DENND5B: variants seen among roughly 807,000 people sequenced by gnomAD.
DENND5B encodes DENN domain containing 5B.
In DENND5B, 34 loss-of-function variants were observed where a neutral mutation model predicts 140.6. The observed-to-expected ratio is 0.24, with a 90% confidence interval of 0.18 to 0.32. The LOEUF (loss-of-function observed/expected upper bound fraction) is 0.32, where lower values mean the gene tolerates loss of function less well. Among genes scored for constraint, DENND5B ranks in the 10% least tolerant of loss-of-function variants. The pLI is 1.00. For missense variants in DENND5B, 1,142 were observed against 1,560.2 expected (o/e 0.73, Z 4.52); for synonymous variants, 551 against 562.1 (o/e 0.98, Z 0.28).
chr12:31,396,607 T>A (rs1022745967), intron 17 of DENND5B: 2 of 152,386 alleles, frequency 1.3e-5, no homozygotes, highest in Admixed American at 6.6e-5. Flanking sequence ...TAAAACTATT[T>A]AAAATTGGCA....
At chr12:31,387,920 G>A in intron 20 of DENND5B, 134 bp from the exon 21 acceptor site, 5 of 871,230 alleles carry the variant, frequency 5.7e-6, no homozygotes, top group Non-Finnish European at 8.4e-6. Flanking sequence ...GAGGTCAGGA[G>A]AGAGGAAATC....
intron 1 of DENND5B, among the ~76,000 whole-genome samples, chr12:31,507,462 T>C (rs941334633): frequency 2.0e-5 from 3 of 152,196 alleles, no homozygotes; most frequent in Non-Finnish European, 4.4e-5. Flanking sequence ...TTTTAGGTGC[T>C]GTGCAGCTTA....
intron 1 of DENND5B, among the ~76,000 whole-genome samples, chr12:31,572,603 TTC>T (rs1350171844): frequency 1.5e-4 from 23 of 152,014 alleles, no homozygotes; most frequent in African/African-American, 5.1e-4. Context: ...CAGTCTCCTT[TTC>T]TCTGTCCTTG....
At chr12:31,465,188 CCT>C (rs1945203477) in intron 3 of DENND5B, 2 of 152,364 alleles carry the variant, frequency 1.3e-5, no homozygotes, top group Middle Eastern at 3.4e-3. Context: ...TAGGTCTGGA[CCT>C]GTGGCTGGCG....
intron 1 of DENND5B, among the ~76,000 whole-genome samples, chr12:31,509,673 C>T (rs1009524386): frequency 2.6e-5 from 4 of 152,094 alleles, no homozygotes; most frequent in Admixed American, 2.6e-4. Flanking sequence ...TCCTTGCTCT[C>T]ACAGTTTACA....
Position 31,463,098 on chromosome 12 carries a change from A to G in DENND5B, c.905-2717T>C, listed in dbSNP as rs1236941664. Among the ~76,000 whole-genome samples the G allele has an allele frequency of 2.6e-5, 4 of 152,194 alleles. No individual in the cohort carries two copies. The South Asian group carries it at 8.3e-4, about 31-fold the overall frequency. ...CCCATCATGGCAAAACCCTGTCTCT[A>G]GTAAAAATATAAAAATTAGGCATAG... On this transcript the variant is annotated intron_variant, in intron 3 of 20. Coordinates refer to ENST00000389082, the MANE Select transcript of DENND5B (RefSeq NM_144973.4).
At position 31,479,622 on chromosome 12, in the gene DENND5B, G is replaced by T. The variant is rs1945977317; in HGVS notation, c.871C>A (p.Leu291Ile). The change falls in exon 3 of 21, where the codon CTT (leucine) becomes ATT (isoleucine). Residue 291 changes from leucine to isoleucine, a missense_variant. Physicochemically the swap from Leu to Ile is conservative, Grantham distance 5 (BLOSUM62 2). This residue lies in a region of DENND5B where 708 missense variants were observed against 905.5 expected (regional missense o/e 0.78). Coordinates refer to ENST00000389082, the MANE Select transcript of DENND5B (RefSeq NM_144973.4). ...ENLVQVFTCV[L>I]LEMQILLYSQ... is the part of the protein sequence containing the mutation. ...TAGAGAAGGATTTGCATCTCTAAAA[G>T]AACACAGGTAAACACCTGCACCAGG... 1 of 1,510,334 alleles carries T rather than the reference G, an allele frequency of 6.6e-7. No individual in the cohort carries two copies. Among genetic ancestry groups the T allele is most frequent in the Non-Finnish European group, 8.8e-7 (1 of 1,131,706 alleles). 93.6% of individuals were successfully genotyped at this position (1,510,334 alleles called of 1,614,324 possible).
At chr12:31,394,136 TTTTACC>T (rs1941307584) in intron 17 of DENND5B, among the ~76,000 whole-genome samples, 1 of 152,238 alleles carries the variant, frequency 6.6e-6, no homozygotes, top group Admixed American at 6.5e-5. Flanking sequence ...TGTTTGTTTT[TTTTACC>T]TTTACCTTTC....
At chr12:31,408,911 T>C (rs1942284189) in intron 14 of DENND5B, among the ~76,000 whole-genome samples, 1 of 152,194 alleles carries the variant, frequency 6.6e-6, no homozygotes, top group Non-Finnish European at 1.5e-5. Flanking sequence ...CAGGATTGGT[T>C]AAGCAAGATG....
intron 8 of DENND5B, chr12:31,432,158 G>C: frequency 1.0e-6 from 1 of 983,848 alleles, no homozygotes; most frequent in Non-Finnish European, 1.2e-6. Context: ...GGAAGGCTAA[G>C]AGGATGGAGA....
chr12:31,506,352 C>G (rs1947202322), intron 1 of DENND5B: 1 of 152,124 alleles, frequency 6.6e-6, no homozygotes, highest in Admixed American at 6.5e-5. Flanking sequence ...ACAAAGAAAT[C>G]TGTAACTGAT....
chr12:31,510,088 G>A (rs1362901286), intron 1 of DENND5B, among the ~76,000 whole-genome samples: 1 of 152,148 alleles, frequency 6.6e-6, no homozygotes, highest in Non-Finnish European at 1.5e-5. Flanking sequence ...GCTAGACTTC[G>A]TGTGTCTGAA....
intron 1 of DENND5B, chr12:31,534,966 T>C: frequency 3.8e-6 from 1 of 263,006 alleles, no homozygotes; most frequent in Admixed American, 5.6e-5. Context: ...CCCAGCTACT[T>C]GGGAGGCTGA....
intron 3 of DENND5B, among the ~76,000 whole-genome samples, chr12:31,469,383 T>A (rs1235497768): frequency 6.6e-6 from 1 of 150,980 alleles, no homozygotes; most frequent in African/African-American, 2.4e-5. Context: ...TAGAGGAGCT[T>A]CTGGACTGGC....
chr12:31,461,125 G>A (rs1944999838), intron 3 of DENND5B, among the ~76,000 whole-genome samples: 1 of 152,038 alleles, frequency 6.6e-6, no homozygotes, highest in Admixed American at 6.6e-5. Context: ...CGTCGCCCAG[G>A]CTGGAGTGCA....
At chr12:31,505,368 A>G (rs1419486652) in intron 1 of DENND5B, among the ~76,000 whole-genome samples, 4 of 151,268 alleles carry the variant, frequency 2.6e-5, no homozygotes, top group Admixed American at 6.6e-5. Context: ...CCTCCCAAGT[A>G]GCTGGGACTA....
chr12:31,566,940 T>C (rs1339894202), intron 1 of DENND5B, among the ~76,000 whole-genome samples: 3 of 152,196 alleles, frequency 2.0e-5, no homozygotes, highest in South Asian at 4.1e-4. Context: ...GCAGGAGAAC[T>C]GCTTGAGCCT....
At chr12:31,489,044 T>C (rs1217105469) in intron 2 of DENND5B, among the ~76,000 whole-genome samples, 9 of 152,236 alleles carry the variant, frequency 5.9e-5, no homozygotes, top group African/African-American at 2.2e-4. Context: ...CCACATCTTG[T>C]AGTTCTATGA....
rs928042190 is a variant in DENND5B at position 31,411,318 on chromosome 12, T to C, written c.2682-1934A>G. 1.6e-4 allele frequency among the ~76,000 whole-genome samples: 24 copies of C among 146,822 alleles called. No individual in the cohort carries two copies. The East Asian group carries it at 3.9e-3, about 24-fold the overall frequency. ...CTCCCAAACTGTAGGATTACAGCCA[T>C]GAGCCAACACGCCCGGCCTTTTTTT... is the stretch of plus-strand genomic sequence containing the variant. On this transcript the variant is annotated intron_variant, in intron 13 of 20. Transcript: ENST00000389082.
Sources: allele counts gnomAD v4.1 joint callset (sites outside exome capture counted in the v4.1 genomes callset), GRCh38; gene constraint gnomAD v4.1.1; regional missense constraint gnomAD v4.1.1; transcripts MANE v1.5; gene names NCBI Gene and HGNC (gene_info 2026-07-23, HGNC 2026-07-21).